RNF138: variants seen among roughly 807,000 people sequenced by gnomAD.
The protein encoded by RNF138 is E3 ubiquitin-protein ligase RNF138.
RNF138 carries 12 observed loss-of-function variants against 31.0 expected under a neutral mutation model. That is an observed-to-expected ratio of 0.39 (90% CI 0.25 to 0.63). The LOEUF (loss-of-function observed/expected upper bound fraction) is 0.63, where lower values mean the gene tolerates loss of function less well. Among genes scored for constraint, RNF138 ranks in the 20% least tolerant of loss-of-function variants. The pLI, the probability that RNF138 is intolerant of heterozygous loss-of-function variation, is 0.52. For synonymous variants in RNF138, 105 were observed against 99.5 expected (o/e 1.06, Z -0.33); for missense variants, 192 against 300.1 (o/e 0.64, Z 2.66).
intron 7 of RNF138, among the ~76,000 whole-genome samples, chr18:32,127,816 C>G (rs1316346570): frequency 1.3e-5 from 2 of 152,188 alleles, no homozygotes; most frequent in Admixed American, 6.5e-5. Flanking sequence ...CTTGGTGGCT[C>G]ACACCTGTAA....
chr18:32,092,638 C>T, intron 1 of RNF138, 62 bp from the exon 2 acceptor site: 1 of 656,188 alleles, frequency 1.5e-6, no homozygotes, highest in South Asian at 1.7e-5. Flanking sequence ...CAGGGCCCCG[C>T]CCCCTTCCTG....
intron 7 of RNF138, among the ~76,000 whole-genome samples, chr18:32,128,080 A>AG (rs2040411776): frequency 1.0e-5 from 1 of 96,770 alleles, no homozygotes; most frequent in African/African-American, 3.8e-5. Context: ...ACTCCGTCTC[A>AG]AAAAAGAAAA....
At chr18:32,101,455 A>AC (rs1169204895) in intron 2 of RNF138, among the ~76,000 whole-genome samples, 2 of 149,560 alleles carry the variant, frequency 1.3e-5, no homozygotes, top group Non-Finnish European at 3.0e-5. Context: ...TTGGTCTTGA[A>AC]CTCCTGACCT....
At chr18:32,111,553 A>G (rs139669975) in intron 2 of RNF138, among the ~76,000 whole-genome samples, 3 of 152,318 alleles carry the variant, frequency 2.0e-5, no homozygotes, top group East Asian at 1.9e-4. Context: ...TAATTGTTCA[A>G]ATATTCCCAT....
rs759254270 is a variant in RNF138, at chr18:32,092,695, T to C, written c.-77-5T>C. On this transcript the variant is annotated splice_region_variant and splice_polypyrimidine_tract_variant and intron_variant, in intron 1 of 7. Coordinates refer to ENST00000261593, the MANE Select transcript of RNF138 (RefSeq NM_016271.5). ...GATCCCCCTCCCCCCTCCGGGTTCA[T>C]GTAGGGAGTCGGGCCCCGGGCCGCC... is the stretch of plus-strand genomic sequence containing the variant. The C allele has an allele frequency of 2.3e-5, 18 of 784,454 alleles. No homozygotes were observed. Among genetic ancestry groups the C allele is most frequent in the African/African-American group, 2.1e-4 (12 of 58,114 alleles). The allele number at this position is 784,454 out of a possible 1,614,324, so 48.6% of individuals were successfully genotyped here.
chr18:32,092,632 G>T (rs1598839457), intron 1 of RNF138, 68 bp from the exon 2 acceptor site: 2 of 646,706 alleles, frequency 3.1e-6, no homozygotes, highest in Non-Finnish European at 5.6e-6. Flanking sequence ...CCTACCCAGG[G>T]CCCCGCCCCC....
At chr18:32,112,846 T>C (rs922876165) in intron 3 of RNF138, among the ~76,000 whole-genome samples, 6 of 152,216 alleles carry the variant, frequency 3.9e-5, no homozygotes, top group African/African-American at 1.4e-4. Context: ...GCTTTGAGTA[T>C]ATCCATGTGT....
intron 4 of RNF138, among the ~76,000 whole-genome samples, chr18:32,114,674 G>A (rs2040186399): frequency 6.6e-6 from 1 of 152,172 alleles, no homozygotes; most frequent in South Asian, 2.1e-4. Flanking sequence ...TCAGTAGTAA[G>A]CACATACGTA....
chr18:32,118,086 A>G (rs900195604), intron 4 of RNF138, among the ~76,000 whole-genome samples: 7 of 151,666 alleles, frequency 4.6e-5, no homozygotes, highest in African/African-American at 1.2e-4. Context: ...CACAAAAACT[A>G]AAAAAAAATT....
chr18:32,117,792 CATA>C (rs1467259201), intron 4 of RNF138, among the ~76,000 whole-genome samples: 1 of 152,162 alleles, frequency 6.6e-6, no homozygotes, highest in Non-Finnish European at 1.5e-5. Context: ...GGTAGTTTCT[CATA>C]ATAATTAGAT....
At chr18:32,105,094 G>A (rs1445688569) in intron 2 of RNF138, among the ~76,000 whole-genome samples, 2 of 152,054 alleles carry the variant, frequency 1.3e-5, no homozygotes, top group African/African-American at 4.8e-5. Context: ...AAAATCATAT[G>A]CTTTTTTCTC....
At chr18:32,104,546 A>G (rs2039997233) in intron 2 of RNF138, among the ~76,000 whole-genome samples, 2 of 152,204 alleles carry the variant, frequency 1.3e-5, no homozygotes, top group Non-Finnish European at 2.9e-5. Flanking sequence ...TTTGTCGATT[A>G]AAAACAAGAG....
rs146226099 is a variant in RNF138, at chr18:32,099,853, C to T, written c.110+6967C>T. Among the ~76,000 whole-genome samples, 635 of 152,260 alleles carry T rather than the reference C, an allele frequency of 4.2e-3. 3 individuals carry two copies. Among genetic ancestry groups the T allele is most frequent in the African/African-American group, 0.015 (616 of 41,538 alleles). ...TACTTACTTAAGCCTACTAATATAT[C>T]GTTTCACATATGAGAGTTTTTCCTG... On this transcript the variant is annotated intron_variant, in intron 2 of 7. Transcript: ENST00000261593.
At chr18:32,116,342 A>G (rs531232974) in intron 4 of RNF138, among the ~76,000 whole-genome samples, 3 of 152,114 alleles carry the variant, frequency 2.0e-5, no homozygotes, top group Admixed American at 6.6e-5. Context: ...TCTTTATGCT[A>G]TTAGATCTCT....
intron 2 of RNF138, among the ~76,000 whole-genome samples, chr18:32,100,608 T>A (rs1211269609): frequency 1.3e-5 from 2 of 151,132 alleles, no homozygotes; most frequent in Non-Finnish European, 2.9e-5. Flanking sequence ...CCCAAGTAGC[T>A]GGGATTAAAG....
intron 4 of RNF138, among the ~76,000 whole-genome samples, chr18:32,114,281 C>A (rs2040180563): frequency 1.3e-5 from 2 of 152,128 alleles, no homozygotes. Context: ...TCTAAAATGT[C>A]ATGTAAAAAT....
At chr18:32,103,872 A>G (rs1039071952) in intron 2 of RNF138, among the ~76,000 whole-genome samples, 1 of 90 alleles carries the variant, frequency 0.011, no homozygotes, top group Admixed American at 0.1. Context: ...AGGCTGAGGC[A>G]GGAGATGGTG....
chr18:32,102,853 A>AC lies in RNF138; in HGVS notation c.111-8900dup, dbSNP rs556909732. Among the ~76,000 whole-genome samples, 229 of 150,770 alleles carry AC rather than the reference A, an allele frequency of 1.5e-3. 1 individual carries two copies. The highest frequency in any genetic ancestry group is 1.8e-3 in the Non-Finnish European group (125 of 67,622). On this transcript the variant is annotated intron_variant, in intron 2 of 7. Coordinates refer to ENST00000261593, the MANE Select transcript of RNF138 (RefSeq NM_016271.5). ...ACCATGTTGGCCAGGCTGGTCTTGAACTCCTGACCTTAGGTGATCCACCTG... is the reference window on the plus strand; with the variant it reads ...ACCATGTTGGCCAGGCTGGTCTTGAACCTCCTGACCTTAGGTGATCCACCTG...
intron 5 of RNF138, among the ~76,000 whole-genome samples, 165 bp downstream of exon 5, chr18:32,123,739 G>A (rs375005834): frequency 6.7e-6 from 1 of 149,506 alleles, no homozygotes; most frequent in Non-Finnish European, 1.5e-5. Flanking sequence ...TGCAACCTGC[G>A]CCTCTCAGGT....
Sources: allele counts gnomAD v4.1 joint callset (sites outside exome capture counted in the v4.1 genomes callset), GRCh38; gene constraint gnomAD v4.1.1; transcripts MANE v1.5; gene names NCBI Gene and HGNC (gene_info 2026-07-23, HGNC 2026-07-21).